The following PPP1R9A variants were observed in gnomAD, a reference collection of about 807,000 sequenced individuals.
The protein encoded by PPP1R9A is neurabin-1.
PPP1R9A carries 59 observed loss-of-function variants against 141.9 expected under a neutral mutation model. That is an observed-to-expected ratio of 0.42 (90% CI 0.34 to 0.52). The LOEUF (loss-of-function observed/expected upper bound fraction) is 0.52, where lower values mean the gene tolerates loss of function less well. Ranked by LOEUF, PPP1R9A falls within the 20% of genes least tolerant of loss-of-function variation. The probability of loss-of-function intolerance (pLI) is 0.10; values close to 1 mark genes in which losing one functional copy is unlikely to be tolerated. For synonymous variants in PPP1R9A, 500 were observed against 569.7 expected (o/e 0.88, Z 1.74); for missense variants, 1,444 against 1,611.9 (o/e 0.90, Z 1.78).
intron 2 of PPP1R9A, among the ~76,000 whole-genome samples, chr7:94,953,529 A>T (rs1415154575): frequency 6.6e-6 from 1 of 152,152 alleles, no homozygotes; most frequent in Non-Finnish European, 1.5e-5. Context: ...GATAGCATTG[A>T]ATCTGTAAAT....
At chr7:95,194,743 C>G (rs925868150) in intron 5 of PPP1R9A, among the ~76,000 whole-genome samples, 2 of 146,822 alleles carry the variant, frequency 1.4e-5, no homozygotes, top group Non-Finnish European at 3.0e-5. Context: ...AAATGAAATA[C>G]TTAGAGGTAA....
At chr7:95,108,851 A>T (rs907515541) in intron 2 of PPP1R9A, 3 of 152,196 alleles carry the variant, frequency 2.0e-5, no homozygotes, top group African/African-American at 7.2e-5. Flanking sequence ...ACACGCATAC[A>T]TATTTATTTA....
At chr7:95,063,272 G>A (rs575510342) in intron 2 of PPP1R9A, among the ~76,000 whole-genome samples, 1 of 152,052 alleles carries the variant, frequency 6.6e-6, no homozygotes, top group African/African-American at 2.4e-5. Context: ...TCAATTAAAG[G>A]TACATTTGGT....
At chr7:95,139,590 A>C (rs1457337763) in intron 4 of PPP1R9A, among the ~76,000 whole-genome samples, 1 of 152,116 alleles carries the variant, frequency 6.6e-6, no homozygotes, top group East Asian at 1.9e-4. Context: ...CAGTTTGGGA[A>C]CCAGTGCCCT....
intron 2 of PPP1R9A, among the ~76,000 whole-genome samples, chr7:94,926,315 C>T (rs1793482304): frequency 6.6e-6 from 1 of 152,120 alleles, no homozygotes; most frequent in South Asian, 2.1e-4. Flanking sequence ...AAGGTAATGA[C>T]AGTTCATAAG....
At chr7:95,180,463 G>T (rs1008329237) in intron 5 of PPP1R9A, among the ~76,000 whole-genome samples, 6 of 152,068 alleles carry the variant, frequency 3.9e-5, no homozygotes, top group Non-Finnish European at 7.4e-5. Flanking sequence ...ATTGGCTTAG[G>T]CAGTTTTGGG....
intron 8 of PPP1R9A, among the ~76,000 whole-genome samples, chr7:95,232,852 T>TA (rs374845347): frequency 6.6e-6 from 1 of 152,064 alleles, no homozygotes; most frequent in Non-Finnish European, 1.5e-5. Context: ...TGACAATCAT[T>TA]AAAAAGTCAG....
At chr7:95,184,698 A>G (rs555263050) in intron 5 of PPP1R9A, among the ~76,000 whole-genome samples, 2 of 152,292 alleles carry the variant, frequency 1.3e-5, no homozygotes, top group African/African-American at 4.8e-5. Context: ...GCTCCCACAT[A>G]TAAGTGAGAA....
At chr7:95,083,716 C>G (rs1481248347) in intron 2 of PPP1R9A, among the ~76,000 whole-genome samples, 2 of 152,032 alleles carry the variant, frequency 1.3e-5, no homozygotes, top group East Asian at 1.9e-4. Context: ...CAAACAATCT[C>G]AACCACCTCC....
Position 94,910,959 on chromosome 7 carries a change from G to C in PPP1R9A, c.846G>C (p.Val282=). 6.2e-7 allele frequency: 1 copy of C among 1,614,150 alleles called. No individual in the cohort carries two copies. The highest frequency in any genetic ancestry group is 8.5e-7 in the Non-Finnish European group (1 of 1,180,028). ...HKSNATPVPE[V]ASKSTSLASI... is the part of the protein sequence containing the mutation. The stretch of plus-strand genomic sequence containing the variant: ...GTAATGCAACTCCAGTACCAGAAGT[G>C]GCTTCTAAAAGTACCTCTCTAGCTT... The change falls in exon 2 of 20, where the codon GTG becomes GTC. Residue 282 remains valine, a synonymous_variant. Coordinates refer to ENST00000433360, the MANE Select transcript of PPP1R9A (RefSeq NM_001166160.2). The surrounding 1 kb of genome is among the most constrained non-coding windows in gnomAD (Gnocchi z 4.5).
chr7:95,045,193 G>A (rs1809824860), intron 2 of PPP1R9A, among the ~76,000 whole-genome samples: 1 of 152,114 alleles, frequency 6.6e-6, no homozygotes. Context: ...TAATTCGACC[G>A]AGGGGCATGC....
At chr7:95,021,324 T>C (rs1285851713) in intron 2 of PPP1R9A, among the ~76,000 whole-genome samples, 2 of 151,634 alleles carry the variant, frequency 1.3e-5, no homozygotes, top group Admixed American at 1.3e-4. Flanking sequence ...TTGGTTTTTT[T>C]TTTTTCTTGT....
chr7:95,088,521 G>A (rs1277338904), intron 2 of PPP1R9A, among the ~76,000 whole-genome samples: 1 of 152,000 alleles, frequency 6.6e-6, no homozygotes, highest in African/African-American at 2.4e-5. Flanking sequence ...GCAAATGCTT[G>A]TGTTAACTGA....
At chr7:95,157,257 C>T (rs1164941574) in intron 4 of PPP1R9A, among the ~76,000 whole-genome samples, 1 of 152,000 alleles carries the variant, frequency 6.6e-6, no homozygotes, top group Non-Finnish European at 1.5e-5. Context: ...AGCTCCCCCT[C>T]TCCCCCCCCA....
At chr7:95,124,508 G>C (rs971806833) in intron 4 of PPP1R9A, among the ~76,000 whole-genome samples, 1 of 151,992 alleles carries the variant, frequency 6.6e-6, no homozygotes, top group African/African-American at 2.4e-5. Context: ...TAATTTTGTA[G>C]AGAATATATA....
intron 2 of PPP1R9A, among the ~76,000 whole-genome samples, chr7:94,932,547 T>A (rs1245209858): frequency 6.6e-6 from 1 of 152,178 alleles, no homozygotes; most frequent in Non-Finnish European, 1.5e-5. Context: ...AATTTTTACC[T>A]ATCTTAAAAT....
chr7:95,034,585 T>C (rs1277573699), intron 2 of PPP1R9A, among the ~76,000 whole-genome samples: 1 of 152,146 alleles, frequency 6.6e-6, no homozygotes, highest in Non-Finnish European at 1.5e-5. Context: ...ACTCCTGACT[T>C]CAATTGGTCT....
intron 14 of PPP1R9A, among the ~76,000 whole-genome samples, chr7:95,270,112 T>C (rs1801936289): frequency 6.6e-6 from 1 of 152,162 alleles, no homozygotes; most frequent in Non-Finnish European, 1.5e-5. Context: ...ATTTTCATGC[T>C]ACAGTAGCAG....
intron 5 of PPP1R9A, among the ~76,000 whole-genome samples, chr7:95,167,978 G>A (rs71562883): frequency 0.13 from 19,497 of 152,138 alleles, 1,697 homozygotes; most frequent in Non-Finnish European, 0.2. Context: ...CCCCAGAGCA[G>A]TCTACTGATT....
Sources: gnomAD v4.1 joint callset for allele counts (sites outside exome capture counted in the v4.1 genomes callset) on GRCh38, gnomAD v4.1.1 for gene constraint, Gnocchi (gnomAD v3.1) non-coding constraint, MANE v1.5 for transcripts, NCBI Gene and HGNC (gene_info 2026-07-23, HGNC 2026-07-21) for gene names.